ARHGAP24: variants seen among roughly 807,000 people sequenced by gnomAD.
ARHGAP24 encodes rho GTPase-activating protein 24.
A neutral mutation model predicts 76.4 loss-of-function variants in ARHGAP24; 50 were observed. The observed-to-expected ratio is 0.65, with a 90% CI of 0.52 to 0.83. ARHGAP24 has a LOEUF of 0.83. Among genes scored for constraint, ARHGAP24 ranks in the 40% least tolerant of loss-of-function variants. The pLI, the probability that ARHGAP24 is intolerant of heterozygous loss-of-function variation, is 0.00. For missense variants in ARHGAP24, 930 were observed against 914.2 expected (o/e 1.02, Z -0.22); for synonymous variants, 345 against 323.3 (o/e 1.07, Z -0.72).
At chr4:85,810,824 T>G (rs886401117) in intron 3 of ARHGAP24, among the ~76,000 whole-genome samples, 2 of 152,226 alleles carry the variant, frequency 1.3e-5, no homozygotes, top group Non-Finnish European at 2.9e-5. Flanking sequence ...ACTAGAAATT[T>G]GGGACATTGT....
At chr4:85,590,188 GCCTGCCTTCCTTCCTTCCTT>G (rs1331797334) in intron 2 of ARHGAP24, among the ~76,000 whole-genome samples, 36 of 112,330 alleles carry the variant, frequency 3.2e-4, no homozygotes, top group Non-Finnish European at 4.8e-4. Context: ...CTGCCTGCCT[GCCTGCCTTCCTTCCTTCCTT>G]CCTTCCTTCC....
chr4:85,710,213 A>G (rs1453603374), intron 2 of ARHGAP24, among the ~76,000 whole-genome samples: 1 of 152,156 alleles, frequency 6.6e-6, no homozygotes, highest in African/African-American at 2.4e-5. Context: ...CACACGTACA[A>G]CCATCTGATT....
chr4:85,907,103 A>C (rs564564108), intron 3 of ARHGAP24, among the ~76,000 whole-genome samples: 2 of 152,316 alleles, frequency 1.3e-5, no homozygotes, highest in South Asian at 4.1e-4. Context: ...TAGCTATGAA[A>C]TAAGGACTCA....
chr4:85,775,274 G>T (rs77967437), intron 3 of ARHGAP24, among the ~76,000 whole-genome samples: 1 of 152,124 alleles, frequency 6.6e-6, no homozygotes, highest in African/African-American at 2.4e-5. Flanking sequence ...GAAAATATGA[G>T]GGAGGAGCAT....
chr4:85,699,073 A>C (rs753209259), intron 2 of ARHGAP24, among the ~76,000 whole-genome samples: 7 of 152,164 alleles, frequency 4.6e-5, no homozygotes, highest in Non-Finnish European at 8.8e-5. Flanking sequence ...TCAACATATG[A>C]ATTCTGGGGA....
chr4:85,823,054 G>C (rs1361208681), intron 3 of ARHGAP24, among the ~76,000 whole-genome samples: 1 of 152,100 alleles, frequency 6.6e-6, no homozygotes, highest in Admixed American at 6.5e-5. Context: ...CTTCAAAAAT[G>C]ATCTCTTTAT....
At chr4:85,513,681 A>G (rs563579450) in intron 1 of ARHGAP24, among the ~76,000 whole-genome samples, 15 of 152,354 alleles carry the variant, frequency 9.8e-5, no homozygotes, top group African/African-American at 2.9e-4. Flanking sequence ...ATTGGCTCAT[A>G]TGAGCAAACT....
chr4:85,903,008 C>T (rs1734587052), intron 3 of ARHGAP24, among the ~76,000 whole-genome samples: 1 of 152,230 alleles, frequency 6.6e-6, no homozygotes, highest in African/African-American at 2.4e-5. Context: ...TCTATATCCT[C>T]ATTTTCTTTT....
intron 3 of ARHGAP24, among the ~76,000 whole-genome samples, chr4:85,722,703 C>T (rs1427107642): frequency 6.6e-6 from 1 of 152,158 alleles, no homozygotes; most frequent in Non-Finnish European, 1.5e-5. Context: ...AATTCTTCAA[C>T]TTTTCCTTAT....
intron 3 of ARHGAP24, among the ~76,000 whole-genome samples, chr4:85,768,271 T>C (rs905713925): frequency 1.3e-5 from 2 of 152,198 alleles, no homozygotes; most frequent in East Asian, 1.9e-4. Flanking sequence ...TGTGAAAATC[T>C]AAAGTCGTCC....
At chr4:85,741,541 G>C (rs1407818268) in intron 3 of ARHGAP24, among the ~76,000 whole-genome samples, 2 of 152,204 alleles carry the variant, frequency 1.3e-5, no homozygotes, top group Non-Finnish European at 2.9e-5. Context: ...ACTTGGGCAT[G>C]TGTATGGCTT....
At chr4:85,888,417 A>AG (rs1397388898) in intron 3 of ARHGAP24, among the ~76,000 whole-genome samples, 2 of 140,796 alleles carry the variant, frequency 1.4e-5, no homozygotes, top group African/African-American at 5.3e-5. Context: ...AAAAAAAAAA[A>AG]AGAAAGAAAG....
chr4:85,755,621 C>CTTTTG (rs1220600706), intron 3 of ARHGAP24, among the ~76,000 whole-genome samples: 11 of 21,378 alleles, frequency 5.1e-4, no homozygotes, highest in African/African-American at 5.8e-4. Flanking sequence ...AGCTTCTATT[C>CTTTTG]TTTTGTTTTG....
intron 5 of ARHGAP24, among the ~76,000 whole-genome samples, chr4:85,952,097 C>CTCCAGAGAGCTCTT (rs1737650159): frequency 6.6e-6 from 1 of 152,100 alleles, no homozygotes; most frequent in Non-Finnish European, 1.5e-5. Flanking sequence ...AAATTCGACA[C>CTCCAGAGAGCTCTT]TCCAGAGAGC....
intron 2 of ARHGAP24, among the ~76,000 whole-genome samples, chr4:85,576,118 G>T (rs1727359446): frequency 6.6e-6 from 1 of 152,214 alleles, no homozygotes; most frequent in Non-Finnish European, 1.5e-5. Context: ...AATGTGCAAG[G>T]ATTGATTGCT....
chr4:85,772,734 A>T lies in ARHGAP24; in HGVS notation c.268+50762A>T, dbSNP rs138560408. 5.2e-3 allele frequency among the ~76,000 whole-genome samples: 795 copies of T among 152,338 alleles called. 4 individuals carry two copies. The highest frequency in any genetic ancestry group is 8.0e-3 in the Non-Finnish European group (541 of 68,030). ...AGTTCCATAGAAACCATGCAAATACAATTGTTTATGTATTGAATCTCATAT... is the reference window on the plus strand; with the variant it reads ...AGTTCCATAGAAACCATGCAAATACTATTGTTTATGTATTGAATCTCATAT... On this transcript the variant is annotated intron_variant, in intron 3 of 9. Coordinates refer to ENST00000395184, the MANE Select transcript of ARHGAP24 (RefSeq NM_001025616.3).
chr4:85,952,182 T>C (rs962017622), intron 5 of ARHGAP24, among the ~76,000 whole-genome samples: 2 of 152,212 alleles, frequency 1.3e-5, no homozygotes, highest in African/African-American at 4.8e-5. Context: ...ATGTATAAAA[T>C]ATATCGGAAC....
At chr4:85,511,338 C>T (rs1483489173) in intron 1 of ARHGAP24, among the ~76,000 whole-genome samples, 3 of 152,010 alleles carry the variant, frequency 2.0e-5, no homozygotes, top group East Asian at 1.9e-4. Context: ...ATGTGCCCTC[C>T]GAAGGCTTTG....
intron 2 of ARHGAP24, among the ~76,000 whole-genome samples, chr4:85,618,464 A>G (rs1720608051): frequency 6.6e-6 from 1 of 152,154 alleles, no homozygotes; most frequent in African/African-American, 2.4e-5. Flanking sequence ...TATTTATTCA[A>G]GATTACTCAT....
Sources: gnomAD v4.1 joint callset for allele counts (sites outside exome capture counted in the v4.1 genomes callset) on GRCh38, gnomAD v4.1.1 for gene constraint, MANE v1.5 for transcripts, NCBI Gene and HGNC (gene_info 2026-07-23, HGNC 2026-07-21) for gene names.